Variants in PCDHGB1 observed in about 807,000 individuals in gnomAD.
The protein encoded by PCDHGB1 is protocadherin gamma subfamily B, 1.
In PCDHGB1, 34 loss-of-function variants were observed where a neutral mutation model predicts 56.6. That is an observed-to-expected ratio of 0.60 (90% CI 0.46 to 0.80). The LOEUF is 0.80. PCDHGB1 is among the 30% of genes least tolerant of loss of function. The pLI, the probability that PCDHGB1 is intolerant of heterozygous loss-of-function variation, is 0.00. For synonymous variants in PCDHGB1, 561 were observed against 505.9 expected (o/e 1.11, Z -1.46); for missense variants, 1,278 against 1,204.6 (o/e 1.06, Z -0.90).
intron 3 of PCDHGB1, among the ~76,000 whole-genome samples, chr5:141,508,646 G>A (rs1434098773): frequency 2.6e-5 from 4 of 152,014 alleles, no homozygotes; most frequent in African/African-American, 9.7e-5. Flanking sequence ...ACTCCGTCAG[G>A]CCCTTCCTGT....
chr5:141,364,522 C>G (rs1763375621), intron 1 of PCDHGB1: 1 of 1,613,942 alleles, frequency 6.2e-7, no homozygotes, highest in Non-Finnish European at 8.5e-7. Flanking sequence ...AGCGCGGAGT[C>G]CGCATCGTCT....
rs201160783 is a variant in PCDHGB1, at chr5:141,418,846, A to G, written c.2409+66177A>G. The G allele has an allele frequency of 7.4e-5, 120 of 1,613,976 alleles. No homozygotes were observed. In the East Asian group the frequency reaches 2.6e-3, roughly 34 times the overall value. On this transcript the variant is annotated intron_variant, in intron 1 of 3. Transcript: ENST00000523390. Reference sequence around the variant, plus strand: ...CAAAAGACCGAGGATCTCTCTCAACACGGTGTAAAGTAATTGTAGAAGTTG... The same window carrying G: ...CAAAAGACCGAGGATCTCTCTCAACGCGGTGTAAAGTAATTGTAGAAGTTG...
chr5:141,383,295 A>G, intron 1 of PCDHGB1: 1 of 1,613,982 alleles, frequency 6.2e-7, no homozygotes, highest in Non-Finnish European at 8.5e-7. Context: ...ACGTTCCAAG[A>G]TTCTTGACGG....
At chr5:141,394,373 C>G in intron 1 of PCDHGB1, 2 of 1,614,206 alleles carry the variant, frequency 1.2e-6, no homozygotes, top group Non-Finnish European at 8.5e-7. Context: ...TGCAATCTTT[C>G]GACTATGAGC....
At chr5:141,360,266 A>G (rs1187261942) in intron 1 of PCDHGB1, 10 of 1,613,538 alleles carry the variant, frequency 6.2e-6, no homozygotes, top group Non-Finnish European at 8.5e-6. Context: ...CTGGCCAAAA[A>G]CTCGGTCGTA....
chr5:141,384,186 TC>T (rs1369721575), intron 1 of PCDHGB1: 3 of 1,613,730 alleles, frequency 1.9e-6, no homozygotes, highest in Admixed American at 1.7e-5. Flanking sequence ...ATGGTGGAAC[TC>T]CTCCCTTGTC....
chr5:141,384,598 C>T lies in PCDHGB1; in HGVS notation c.2409+31929C>T, dbSNP rs1451402043. On this transcript the variant is annotated intron_variant, in intron 1 of 3. Transcript: ENST00000523390. ...CCCGCCCGAGATCCTGTACCCGGCCCTCCCCACAGATGGTTCTACTGGCAT... is the reference window on the plus strand; with the variant it reads ...CCCGCCCGAGATCCTGTACCCGGCCTTCCCCACAGATGGTTCTACTGGCAT... 2.5e-6 allele frequency: 4 copies of T among 1,614,138 alleles called. No individual in the cohort carries two copies. The African/African-American group carries it at 5.3e-5, about 22-fold the overall frequency.
rs566336530 is a variant in PCDHGB1 at position 141,352,610 on chromosome 5, G to T, written c.2350G>T (p.Val784Phe). ...TCTGCTGTGTGATGATCCTTCTATG[G>T]TTGTATGTGCCAGTAATGAAGATCA... is the stretch of plus-strand genomic sequence containing the variant. ...QDLLCDDPSM[V>F]VCASNEDHKI... The change falls in exon 1 of 4, where the codon GTT (valine) becomes TTT (phenylalanine). Residue 784 changes from valine (V) to phenylalanine (F), a missense_variant. Transcript: ENST00000523390. The T allele has an allele frequency of 3.1e-6, 5 of 1,613,512 alleles. No individual in the cohort carries two copies. Among genetic ancestry groups the T allele is most frequent in the Middle Eastern group, 1.6e-4 (1 of 6,062 alleles).
intron 1 of PCDHGB1, among the ~76,000 whole-genome samples, chr5:141,444,095 T>C (rs1012556994): frequency 2.0e-5 from 3 of 150,676 alleles, no homozygotes; most frequent in Admixed American, 1.3e-4. Flanking sequence ...CTGCTAAGGA[T>C]TGGAAACCAA....
intron 1 of PCDHGB1, chr5:141,371,563 TC>T: frequency 6.2e-7 from 1 of 1,613,806 alleles, no homozygotes; most frequent in Non-Finnish European, 8.5e-7. Context: ...AAAGGAAACT[TC>T]CCCTTTAAAA....
chr5:141,505,557 A>C (rs2099846692), intron 3 of PCDHGB1, 76 bp downstream of exon 3: 1 of 1,606,080 alleles, frequency 6.2e-7, no homozygotes, highest in Non-Finnish European at 8.5e-7. Flanking sequence ...CACCATGCCC[A>C]CGGACTGGAT....
chr5:141,506,434 C>A lies in PCDHGB1; in HGVS notation c.2557+953C>A, dbSNP rs139627189. Among the ~76,000 whole-genome samples the A allele has an allele frequency of 8.5e-4, 112 of 131,752 alleles. 2 individuals are homozygous for A. The highest frequency in any genetic ancestry group is 3.3e-3 in the African/African-American group (107 of 32,408). 86.4% of individuals were successfully genotyped at this position (131,752 alleles called of 152,430 possible). ...TGCACTCCAGCCTGGGCAACAGTCT[C>A]GCTCTGTCTCAAAAAAAAAAAAAAA... On this transcript the variant is annotated intron_variant, in intron 3 of 3. Transcript: ENST00000523390.
At chr5:141,421,767 C>T in intron 1 of PCDHGB1, 2 of 1,613,906 alleles carry the variant, frequency 1.2e-6, no homozygotes, top group South Asian at 1.1e-5. Context: ...ATTACTTTTC[C>T]TTGCAACTGC....
At chr5:141,382,844 C>G (rs749994518) in intron 1 of PCDHGB1, 3 of 1,475,612 alleles carry the variant, frequency 2.0e-6, no homozygotes, top group Non-Finnish European at 2.7e-6. Flanking sequence ...CCGGATACAC[C>G]CGCATTCTGA....
At chr5:141,438,896 CCT>C (rs886177991) in intron 1 of PCDHGB1, among the ~76,000 whole-genome samples, 30 of 151,820 alleles carry the variant, frequency 2.0e-4, no homozygotes, top group Non-Finnish European at 7.4e-5. Context: ...GAACTCCTGA[CCT>C]CAGGTGATCC....
chr5:141,463,438 CTTTTTTTTTTTT>C (rs71576115), intron 1 of PCDHGB1, among the ~76,000 whole-genome samples: 6 of 103,254 alleles, frequency 5.8e-5, no homozygotes, highest in Admixed American at 3.1e-4. Flanking sequence ...TTTCCTTCTC[CTTTTTTTTTTTT>C]TTTTTTTTTT....
At chr5:141,356,886 C>T in intron 1 of PCDHGB1, 1 of 1,614,206 alleles carries the variant, frequency 6.2e-7, no homozygotes, top group Non-Finnish European at 8.5e-7. Context: ...TCCCTGAGAT[C>T]CTGTACCCCA....
intron 1 of PCDHGB1, chr5:141,430,977 A>G (rs761722055): frequency 1.2e-5 from 20 of 1,613,408 alleles, no homozygotes; most frequent in Middle Eastern, 1.7e-4. Flanking sequence ...GGTAGGACGC[A>G]GCTTTTCGCC....
At chr5:141,451,154 TTTTTGGTAGTATA>T (rs2098709149) in intron 1 of PCDHGB1, among the ~76,000 whole-genome samples, 1 of 152,152 alleles carries the variant, frequency 6.6e-6, no homozygotes, top group Non-Finnish European at 1.5e-5. Flanking sequence ...ACTAGACATT[TTTTTGGTAGTATA>T]TTATTTAGCC....
Sources: allele counts gnomAD v4.1 joint callset (sites outside exome capture counted in the v4.1 genomes callset), GRCh38; gene constraint gnomAD v4.1.1; transcripts MANE v1.5; gene names NCBI Gene and HGNC (gene_info 2026-07-23, HGNC 2026-07-21).